The following DCDC1 variants were observed in gnomAD, a reference collection of about 807,000 sequenced individuals.
DCDC1 encodes doublecortin domain-containing protein 1.
In DCDC1, 200 loss-of-function variants were observed where a neutral mutation model predicts 178.3. The observed-to-expected ratio is 1.12, with a 90% CI of 1.00 to 1.26. DCDC1 has a LOEUF of 1.26. Ranked by LOEUF, DCDC1 falls within the 50% of genes most tolerant of loss-of-function variation. The pLI is 0.00. For missense variants in DCDC1, 1,983 were observed against 1,749.2 expected, an observed-to-expected ratio of 1.13 and a Z score of -2.38; for synonymous variants, 690 against 604.8, an observed-to-expected ratio of 1.14 and a Z score of -2.07.
chr11:30,925,252 T>C (rs1946519935), intron 23 of DCDC1, 57 bp downstream of exon 23: 2 of 1,441,026 alleles, frequency 1.4e-6, no homozygotes, highest in South Asian at 1.2e-5. Context: ...AAGGGGATTC[T>C]TTCTTGGATG....
chr11:31,304,394 T>C (rs2137569704), intron 6 of DCDC1, among the ~76,000 whole-genome samples: 1 of 152,200 alleles, frequency 6.6e-6, no homozygotes, highest in South Asian at 2.1e-4. Flanking sequence ...TATAAGCAAA[T>C]GATTCAATGA....
intron 20 of DCDC1, among the ~76,000 whole-genome samples, chr11:30,978,848 T>C (rs1029279394): frequency 4.1e-5 from 6 of 147,638 alleles, no homozygotes; most frequent in African/African-American, 1.6e-4. Flanking sequence ...GCCTCTGGTA[T>C]CTATCATTCT....
chr11:31,032,345 T>A (rs1953705915), intron 20 of DCDC1, among the ~76,000 whole-genome samples: 1 of 152,192 alleles, frequency 6.6e-6, no homozygotes, highest in Non-Finnish European at 1.5e-5. Flanking sequence ...ATTTTAATTT[T>A]AATTCACCAG....
At chr11:31,094,295 C>T (rs1413914867) in intron 15 of DCDC1, 111 bp from the exon 16 acceptor site, 5 of 644,588 alleles carry the variant, frequency 7.8e-6, no homozygotes, top group East Asian at 5.1e-5. Flanking sequence ...CTGATTGATA[C>T]CTCTTTTCAA....
intron 17 of DCDC1, among the ~76,000 whole-genome samples, chr11:31,082,898 C>T (rs1320197822): frequency 6.6e-6 from 1 of 152,146 alleles, no homozygotes; most frequent in Admixed American, 6.5e-5. Flanking sequence ...ATTTCCAGTC[C>T]ATAATTCATA....
chr11:31,089,507 A>ATT (rs1438564702), intron 17 of DCDC1, among the ~76,000 whole-genome samples: 3 of 151,714 alleles, frequency 2.0e-5, no homozygotes, highest in Non-Finnish European at 4.4e-5. Context: ...TTCAGACACT[A>ATT]TTTCCTCCAA....
rs547500519 is a variant in DCDC1 at position 31,087,230 on chromosome 11, A to G, written c.2237+4163T>C. Among the ~76,000 whole-genome samples the G allele has an allele frequency of 1.2e-4, 19 of 152,260 alleles. No homozygotes were observed. The South Asian group carries it at 3.9e-3, about 32-fold the overall frequency. ...CTGCGTGATATCTCTCATTGCTGAT[A>G]CAGGTAATTTGTGTCCTCTCTTTTT... On this transcript the variant is annotated intron_variant, in intron 17 of 38. Transcript: ENST00000684477.
chr11:31,289,024 C>A (rs1213928267), intron 7 of DCDC1, among the ~76,000 whole-genome samples: 1 of 151,824 alleles, frequency 6.6e-6, no homozygotes, highest in Non-Finnish European at 1.5e-5. Context: ...TGTGAAAATT[C>A]TTTAAATATT....
chr11:31,313,557 T>C (rs1184857025), intron 3 of DCDC1, among the ~76,000 whole-genome samples: 1 of 152,112 alleles, frequency 6.6e-6, no homozygotes, highest in South Asian at 2.1e-4. Flanking sequence ...TTTTACATTA[T>C]AATTTATTTT....
At chr11:31,193,578 A>G (rs1970363622) in intron 9 of DCDC1, among the ~76,000 whole-genome samples, 1 of 152,228 alleles carries the variant, frequency 6.6e-6, no homozygotes, top group African/African-American at 2.4e-5. Context: ...CAAGGTTTGC[A>G]GAAAGCAAGT....
At chr11:30,872,542 C>G (rs1323913175) in intron 38 of DCDC1, among the ~76,000 whole-genome samples, 1 of 152,116 alleles carries the variant, frequency 6.6e-6, no homozygotes, top group Non-Finnish European at 1.5e-5. Flanking sequence ...ACTCATGTGG[C>G]TCCTGTGATC....
At chr11:31,241,976 T>C (rs766923454) in intron 8 of DCDC1, among the ~76,000 whole-genome samples, 3 of 152,010 alleles carry the variant, frequency 2.0e-5, no homozygotes, top group South Asian at 2.1e-4. Context: ...CTGATAAAAC[T>C]GTAAGATCCA....
At chr11:31,345,009 A>C (rs772293767) in intron 1 of DCDC1, among the ~76,000 whole-genome samples, 4 of 152,136 alleles carry the variant, frequency 2.6e-5, no homozygotes, top group Non-Finnish European at 5.9e-5. Context: ...TTTTTTCATA[A>C]ATTTTCTTAT....
At chr11:31,044,833 G>A (rs770554742) in intron 20 of DCDC1, among the ~76,000 whole-genome samples, 2 of 152,084 alleles carry the variant, frequency 1.3e-5, no homozygotes, top group East Asian at 1.9e-4. Context: ...ATAATAAATG[G>A]CCATTGTTTT....
intron 18 of DCDC1, among the ~76,000 whole-genome samples, chr11:31,076,190 T>C (rs1159463663): frequency 1.3e-5 from 2 of 152,094 alleles, no homozygotes; most frequent in African/African-American, 2.4e-5. Flanking sequence ...TTTTTTTCTT[T>C]AGTTTTGTTT....
intron 8 of DCDC1, among the ~76,000 whole-genome samples, chr11:31,245,702 A>T (rs1408807607): frequency 6.6e-6 from 1 of 151,820 alleles, no homozygotes; most frequent in Non-Finnish European, 1.5e-5. Context: ...CCTTGTCATA[A>T]ATCATGCTTC....
At position 30,922,556 on chromosome 11, in the gene DCDC1, A is replaced by T. The variant is rs745970624; in HGVS notation, c.3080T>A (p.Leu1027Gln). Residue 1027 changes from leucine (L) to glutamine (Q), a missense_variant, in exon 24 of 39, where the codon CTA becomes CAA. Coordinates refer to ENST00000684477, the MANE Select transcript of DCDC1 (RefSeq NM_001387274.1). ...QQKKQIFLRNLESDIAKIQIF... is the reference protein window; with the variant it reads ...QQKKQIFLRNQESDIAKIQIF... ...TTGAATTTTGGCAATGTCTGATTCT[A>T]GGTTCCTCAGGAATATTTGTTTCTT... 6.3e-7 allele frequency: 1 copy of T among 1,585,816 alleles called. No individual in the cohort carries two copies. Among genetic ancestry groups the T allele is most frequent in the Non-Finnish European group, 8.5e-7 (1 of 1,170,308 alleles).
intron 9 of DCDC1, among the ~76,000 whole-genome samples, chr11:31,170,949 C>T (rs1373876536): frequency 6.6e-6 from 1 of 152,138 alleles, no homozygotes; most frequent in East Asian, 1.9e-4. Context: ...CTGCCTCAGC[C>T]TCCTGAGCAG....
Position 30,894,369 on chromosome 11 carries a change from G to C in DCDC1, c.4781C>G (p.Ala1594Gly), listed in dbSNP as rs778763974. Residue 1594 changes from alanine (A) to glycine (G), a missense_variant, in exon 35 of 39, where the codon GCA (alanine) becomes GGA (glycine). Transcript: ENST00000684477. ...AGGAACCATGGTGGCTGGCTGACAT[G>C]CCGCTACTCGCCGCCCTGAGGAAAC... ...MRQLKGRRVA[A>G]CQPATMVPTK... 15 of 1,613,422 alleles carry C rather than the reference G, an allele frequency of 9.3e-6. No homozygotes were observed. The highest frequency in any genetic ancestry group is 1.3e-5 in the African/African-American group (1 of 74,896).
Sources: gnomAD v4.1 joint callset for allele counts (sites outside exome capture counted in the v4.1 genomes callset) on GRCh38, gnomAD v4.1.1 for gene constraint, MANE v1.5 for transcripts, NCBI Gene and HGNC (gene_info 2026-07-23, HGNC 2026-07-21) for gene names.